SRGAP3: variants seen among roughly 807,000 people sequenced by gnomAD.
SRGAP3 encodes the protein SLIT-ROBO Rho GTPase-activating protein 3.
SRGAP3 carries 39 observed loss-of-function variants against 121.1 expected under a neutral mutation model. The ratio of observed to expected loss-of-function variants is 0.32; its 90% CI spans 0.25 to 0.42. SRGAP3 has a LOEUF of 0.42. SRGAP3 is among the 10% of genes least tolerant of loss of function. The probability of loss-of-function intolerance (pLI) is 1.00; values close to 1 mark genes in which losing one functional copy is unlikely to be tolerated. For missense variants in SRGAP3, 1,213 were observed against 1,470.6 expected (o/e 0.82, Z 2.86); for synonymous variants, 601 against 570.0 (o/e 1.05, Z -0.77).
At chr3:9,238,226 G>T (rs1283619094) in intron 1 of SRGAP3, among the ~76,000 whole-genome samples, 1 of 152,192 alleles carries the variant, frequency 6.6e-6, no homozygotes, top group Non-Finnish European at 1.5e-5. Flanking sequence ...AGGCCAGGAT[G>T]GAGGAGATGG....
At chr3:9,149,157 T>C (rs1332224791) in intron 1 of SRGAP3, among the ~76,000 whole-genome samples, 1 of 143,150 alleles carries the variant, frequency 7.0e-6, no homozygotes, top group African/African-American at 2.6e-5. Context: ...GAGGTTGCAG[T>C]GAGCCGAGAT....
At chr3:9,342,224 G>A (rs940695951) in intron 1 of SRGAP3, among the ~76,000 whole-genome samples, 7 of 152,060 alleles carry the variant, frequency 4.6e-5, no homozygotes. Context: ...GGTGGCGCAT[G>A]CCTATAGTCC....
In SRGAP3 at chr3:9,115,467, C is replaced by G. The variant is rs184467765; in HGVS notation, c.260+9258G>C. On this transcript the variant is annotated intron_variant, in intron 2 of 21. Coordinates refer to ENST00000383836, the MANE Select transcript of SRGAP3 (RefSeq NM_014850.4). ...ATATGCATGCATAAAGAAATCACGT[C>G]CTAGTTAATGCTTTGGTAGTTGCTG... Among the ~76,000 whole-genome samples the G allele has an allele frequency of 2.1e-4, 32 of 152,140 alleles. No individual in the cohort carries two copies. The East Asian group carries it at 3.7e-3, about 17-fold the overall frequency.
intron 14 of SRGAP3, among the ~76,000 whole-genome samples, chr3:9,022,185 G>A (rs189636879): frequency 5.9e-5 from 9 of 152,208 alleles, no homozygotes; most frequent in East Asian, 3.9e-4. Context: ...AAAATTAGCC[G>A]GGCAAGGTGG....
At chr3:9,320,489 A>G (rs1056407343) in intron 3 of SRGAP3, among the ~76,000 whole-genome samples, 2 of 151,030 alleles carry the variant, frequency 1.3e-5, no homozygotes, top group Non-Finnish European at 2.9e-5. Flanking sequence ...CACCTCCCCC[A>G]CCTCTCTCTC....
In SRGAP3 at chr3:8,985,221, A is replaced by G. The variant is rs1453830834; in HGVS notation, c.*298T>C. 2.0e-6 allele frequency: 1 copy of G among 496,302 alleles called. No homozygotes were observed. Among genetic ancestry groups the G allele is most frequent in the Admixed American group, 3.7e-5 (1 of 27,178 alleles). The allele number at this position is 496,302 out of a possible 1,614,324, so 30.7% of individuals were successfully genotyped here. A position where few individuals can be genotyped will look rare whatever the true frequency, so the allele number is the denominator to read the frequency against. On this transcript the variant is annotated 3_prime_UTR_variant, in exon 22 of 22. Transcript: ENST00000383836. This position sits in a 1 kb window ranked among gnomAD's most constrained non-coding sequence, Gnocchi z 5.1. The stretch of plus-strand genomic sequence containing the variant: ...TCGAGAGAGGAAGTTTCCAGTGACG[A>G]TATGCGGGAGAAGCCATGTGGTATT...
chr3:9,337,861 T>C (rs918262349), intron 1 of SRGAP3, among the ~76,000 whole-genome samples: 1 of 152,234 alleles, frequency 6.6e-6, no homozygotes, highest in Non-Finnish European at 1.5e-5. Flanking sequence ...TAAGGCATAT[T>C]AACACATCAA....
At chr3:9,303,298 G>A (rs1047170891) in intron 3 of SRGAP3, among the ~76,000 whole-genome samples, 5 of 152,036 alleles carry the variant, frequency 3.3e-5, no homozygotes, top group Non-Finnish European at 7.4e-5. Flanking sequence ...GGTGGCGCAT[G>A]CCTGTAGTCC....
chr3:9,041,259 C>G (rs1944999169), intron 10 of SRGAP3, among the ~76,000 whole-genome samples: 1 of 152,192 alleles, frequency 6.6e-6, no homozygotes, highest in Non-Finnish European at 1.5e-5. Flanking sequence ...TAAGTTTACC[C>G]AGGGAAGCTG....
At chr3:9,161,248 CAGTAT>C (rs1250089646) in intron 1 of SRGAP3, among the ~76,000 whole-genome samples, 2 of 152,240 alleles carry the variant, frequency 1.3e-5, no homozygotes, top group African/African-American at 4.8e-5. Flanking sequence ...TGATAAATGT[CAGTAT>C]CACCAGTAAT....
At chr3:9,312,018 G>A (rs142792142) in intron 3 of SRGAP3, among the ~76,000 whole-genome samples, 7 of 152,308 alleles carry the variant, frequency 4.6e-5, no homozygotes, top group Admixed American at 3.3e-4. Flanking sequence ...TTGAGCAAAT[G>A]TTATAATTTT....
chr3:9,212,645 T>C (rs972065494), intron 1 of SRGAP3, among the ~76,000 whole-genome samples: 3 of 151,874 alleles, frequency 2.0e-5, no homozygotes, highest in African/African-American at 7.3e-5. Context: ...AACCAGGGAG[T>C]CAGAGGTTGC....
At chr3:9,184,013 T>C (rs1049599833) in intron 1 of SRGAP3, among the ~76,000 whole-genome samples, 1 of 152,138 alleles carries the variant, frequency 6.6e-6, no homozygotes, top group African/African-American at 2.4e-5. Flanking sequence ...AGGCTCTTTG[T>C]TGCTAGGCAG....
intron 1 of SRGAP3, among the ~76,000 whole-genome samples, chr3:9,152,281 A>G (rs560793083): frequency 2.6e-5 from 4 of 152,360 alleles, no homozygotes; most frequent in African/African-American, 9.6e-5. Flanking sequence ...TTGGCATAAC[A>G]TGATCCAGCC....
intron 12 of SRGAP3, chr3:9,028,110 G>C (rs1270523825): frequency 6.2e-7 from 1 of 1,614,176 alleles, no homozygotes; most frequent in Non-Finnish European, 8.5e-7. Flanking sequence ...CTGGTTCCTG[G>C]TTCGAGCATT....
chr3:9,049,253 T>C, intron 9 of SRGAP3: 1 of 379,196 alleles, frequency 2.6e-6, no homozygotes, highest in Non-Finnish European at 5.3e-6. Flanking sequence ...CACCTCACAC[T>C]GGCCCACCTT....
chr3:9,020,330 T>C (rs1265811428), intron 14 of SRGAP3, among the ~76,000 whole-genome samples: 1 of 151,872 alleles, frequency 6.6e-6, no homozygotes, highest in Non-Finnish European at 1.5e-5. Context: ...TTTTTCTCAG[T>C]AAAAAATTCC....
At chr3:9,249,771 G>A (rs1321461151), upstream of SRGAP3, 3 of 212,272 alleles carry the variant, frequency 1.4e-5, no homozygotes, top group African/African-American at 2.3e-5. Flanking sequence ...CAAGCAAAAA[G>A]GGGAAGAAAC....
intron 3 of SRGAP3, among the ~76,000 whole-genome samples, chr3:9,099,779 C>G (rs1328796895): frequency 6.6e-6 from 1 of 152,166 alleles, no homozygotes; most frequent in Non-Finnish European, 1.5e-5. Flanking sequence ...TGGGGCCCAG[C>G]AGTCTGCATT....
Sources: gnomAD v4.1 joint callset for allele counts (sites outside exome capture counted in the v4.1 genomes callset) on GRCh38, gnomAD v4.1.1 for gene constraint, Gnocchi (gnomAD v3.1) non-coding constraint, MANE v1.5 for transcripts, NCBI Gene and HGNC (gene_info 2026-07-23, HGNC 2026-07-21) for gene names.